The following ABCB4 variants were observed in gnomAD, a reference collection of about 807,000 sequenced individuals.
ABCB4 encodes phosphatidylcholine translocator ABCB4.
ABCB4 carries 76 observed loss-of-function variants against 145.7 expected under a neutral mutation model. The observed-to-expected ratio is 0.52, with a 90% CI of 0.43 to 0.63. The LOEUF is 0.63. Among genes scored for constraint, ABCB4 ranks in the 30% least tolerant of loss-of-function variants. The pLI is 0.00. For synonymous variants in ABCB4, 517 were observed against 566.8 expected, an observed-to-expected ratio of 0.91 and a Z score of 1.25; for missense variants, 1,234 against 1,553.1, an observed-to-expected ratio of 0.79 and a Z score of 3.45.
intron 13 of ABCB4, 53 bp downstream of exon 13, chr7:87,440,146 C>T (rs1810875478): frequency 2.6e-6 from 4 of 1,558,866 alleles, no homozygotes; most frequent in East Asian, 2.2e-5. Flanking sequence ...TAAACTCAGT[C>T]CTATGAGGTG....
At chr7:87,445,010 C>T (rs1320999812) in intron 9 of ABCB4, 35 bp from the exon 10 acceptor site, 1 of 1,330,150 alleles carries the variant, frequency 7.5e-7, no homozygotes, top group African/African-American at 1.4e-5. Context: ...GTTTAAGTCA[C>T]ATTCTGGCAT....
intron 20 of ABCB4, 70 bp from the exon 21 acceptor site, chr7:87,417,585 T>C: frequency 7.7e-7 from 1 of 1,290,452 alleles, no homozygotes; most frequent in South Asian, 1.2e-5. Flanking sequence ...CCTTAGCCTC[T>C]TGGTCAGAAT....
At chr7:87,469,295 C>T (rs933151963) in intron 3 of ABCB4, among the ~76,000 whole-genome samples, 4 of 152,190 alleles carry the variant, frequency 2.6e-5, no homozygotes, top group Non-Finnish European at 4.4e-5. Flanking sequence ...TGGAAGCATT[C>T]CCTTTGAAAA....
intron 14 of ABCB4, among the ~76,000 whole-genome samples, chr7:87,432,819 A>C (rs1222914517): frequency 6.6e-6 from 1 of 152,180 alleles, no homozygotes; most frequent in Non-Finnish European, 1.5e-5. Context: ...GAATATTCTA[A>C]AAACCCCGGA....
At chr7:87,455,185 G>A (rs1812030756) in intron 4 of ABCB4, among the ~76,000 whole-genome samples, 5 of 152,168 alleles carry the variant, frequency 3.3e-5, no homozygotes, top group African/African-American at 1.2e-4. Context: ...AGTGATCACT[G>A]GCAATTAGTG....
chr7:87,411,838 TA>T (rs1480210797), intron 23 of ABCB4, 54 bp downstream of exon 23: 41 of 1,569,358 alleles, frequency 2.6e-5, no homozygotes, highest in Non-Finnish European at 3.5e-5. Context: ...AACTTTTGCA[TA>T]AACCTACTAA....
At chr7:87,475,341 C>T (rs1372777250) in intron 2 of ABCB4, 45 bp downstream of exon 2, 5 of 1,607,368 alleles carry the variant, frequency 3.1e-6, no homozygotes, top group Admixed American at 3.3e-5. Context: ...CTTAGTCCTG[C>T]TGATTGGCGT....
At chr7:87,462,629 T>C in intron 4 of ABCB4, 129 bp downstream of exon 4, 1 of 842,504 alleles carries the variant, frequency 1.2e-6, no homozygotes. Flanking sequence ...ACTCCTTCTA[T>C]GATATCTGGA....
chr7:87,438,885 A>G (rs1044164786), intron 14 of ABCB4, among the ~76,000 whole-genome samples: 1 of 152,244 alleles, frequency 6.6e-6, no homozygotes, highest in African/African-American at 2.4e-5. Flanking sequence ...AGGTTCGTGC[A>G]GCTTGTCTCT....
At chr7:87,437,494 T>C (rs1810686417) in intron 14 of ABCB4, among the ~76,000 whole-genome samples, 1 of 152,156 alleles carries the variant, frequency 6.6e-6, no homozygotes, top group Non-Finnish European at 1.5e-5. Context: ...TACATAGCAA[T>C]AGGTAACCAA....
intron 26 of ABCB4, among the ~76,000 whole-genome samples, chr7:87,403,827 T>A (rs1420207967): frequency 6.6e-6 from 1 of 152,048 alleles, no homozygotes; most frequent in African/African-American, 2.4e-5. Context: ...CACAGCACAC[T>A]ATGAAAGATC....
At position 87,440,183 on chromosome 7, in the gene ABCB4, T is replaced by C. The variant is rs769175596; in HGVS notation, c.1560+16A>G. The C allele has an allele frequency of 1.4e-5, 23 of 1,611,818 alleles. No individual in the cohort carries two copies. In the Admixed American group the frequency reaches 3.5e-4, roughly 25 times the overall value. On this transcript the variant is annotated intron_variant, in intron 13 of 27. Coordinates refer to ENST00000649586, the MANE Select transcript of ABCB4 (RefSeq NM_000443.4). Reference sequence around the variant, plus strand: ...AATTCTAATTTCAAGGACAACTACTTTATCAGAGGCTTTACCTGTGGTAAT... The same window carrying C: ...AATTCTAATTTCAAGGACAACTACTCTATCAGAGGCTTTACCTGTGGTAAT...
Position 87,401,770 on chromosome 7 carries a change from A to T in ABCB4, c.*326T>A, listed in dbSNP as rs1342168907. 2.4e-6 allele frequency: 1 copy of T among 410,346 alleles called. No homozygotes were observed. The highest frequency in any genetic ancestry group is 4.6e-6 in the Non-Finnish European group (1 of 218,604). The allele number at this position is 410,346 out of a possible 1,614,324, so 25.4% of individuals were successfully genotyped here. On this transcript the variant is annotated 3_prime_UTR_variant, in exon 28 of 28. Transcript: ENST00000649586. ...CCAAACTTTCCTGTCTACCCAACCC[A>T]TTCAGGACCATAAGACCATTTCCCT... is the stretch of plus-strand genomic sequence containing the variant.
the ABCB4 span, chr7:87,393,039 G>C: frequency 6.2e-7 from 1 of 1,613,384 alleles, no homozygotes; most frequent in Non-Finnish European, 8.5e-7. Flanking sequence ...CAATGGTTAT[G>C]GATTTTTCTA....
rs1480581561 is a variant in ABCB4, at chr7:87,449,958, C to G, written c.833+10G>C. Reference sequence around the variant, plus strand: ...ATTCCTTAAACCAGTGGCTAAAGAACCTTCCTGACCTTTCCAGCTCTTTGT... The same window carrying G: ...ATTCCTTAAACCAGTGGCTAAAGAAGCTTCCTGACCTTTCCAGCTCTTTGT... On this transcript the variant is annotated intron_variant, in intron 8 of 27. Transcript: ENST00000649586. The G allele has an allele frequency of 6.2e-7, 1 of 1,614,096 alleles. No homozygotes were observed. Among genetic ancestry groups the G allele is most frequent in the Non-Finnish European group, 8.5e-7 (1 of 1,179,980 alleles).
chr7:87,457,278 C>T (rs1812158768), intron 4 of ABCB4, among the ~76,000 whole-genome samples: 1 of 152,074 alleles, frequency 6.6e-6, no homozygotes, highest in South Asian at 2.1e-4. Context: ...GGCATGGTGG[C>T]AGGTGCCTGT....
At chr7:87,444,263 CT>C (rs1306703159) in intron 10 of ABCB4, among the ~76,000 whole-genome samples, 1 of 152,152 alleles carries the variant, frequency 6.6e-6, no homozygotes, top group Non-Finnish European at 1.5e-5. Flanking sequence ...AAACTGAGCA[CT>C]TTTCTCACGA....
chr7:87,411,196 G>A (rs765040891), intron 23 of ABCB4, among the ~76,000 whole-genome samples: 2 of 150,536 alleles, frequency 1.3e-5, no homozygotes, highest in South Asian at 2.1e-4. Context: ...ACACACTTTC[G>A]CTTTTTTGTC....
chr7:87,406,105 T>G, intron 26 of ABCB4, 183 bp downstream of exon 26: 1 of 648,660 alleles, frequency 1.5e-6, no homozygotes, highest in Non-Finnish European at 2.7e-6. Flanking sequence ...TACATTTGTA[T>G]GAGGTAGGCA....
Sources: gnomAD v4.1 joint callset for allele counts (sites outside exome capture counted in the v4.1 genomes callset) on GRCh38, gnomAD v4.1.1 for gene constraint, MANE v1.5 for transcripts, NCBI Gene and HGNC (gene_info 2026-07-23, HGNC 2026-07-21) for gene names.